PHF14: variants seen among roughly 807,000 people sequenced by gnomAD.
PHF14 encodes the protein PHD finger protein 14.
In PHF14, 55 loss-of-function variants were observed where a neutral mutation model predicts 117.9. The ratio of observed to expected loss-of-function variants is 0.47; its 90% CI spans 0.38 to 0.58. The LOEUF (loss-of-function observed/expected upper bound fraction) is 0.58. PHF14 is among the 20% of genes least tolerant of loss of function. The probability of loss-of-function intolerance (pLI) is 0.00; values close to 1 mark genes in which losing one functional copy is unlikely to be tolerated. For synonymous variants in PHF14, 409 were observed against 368.6 expected, an observed-to-expected ratio of 1.11 and a Z score of -1.26; for missense variants, 978 against 1,122.2, an observed-to-expected ratio of 0.87 and a Z score of 1.84.
At chr7:11,145,295 C>A (rs1036736050) in intron 17 of PHF14, among the ~76,000 whole-genome samples, 6 of 151,860 alleles carry the variant, frequency 4.0e-5, no homozygotes, top group African/African-American at 7.3e-5. Flanking sequence ...CTTTTTCTCT[C>A]TTTTTTAAAA....
At chr7:11,013,713 C>G (rs770712946) in intron 4 of PHF14, 34 bp from the exon 5 acceptor site, 20 of 1,236,404 alleles carry the variant, frequency 1.6e-5, no homozygotes, top group Non-Finnish European at 2.2e-5. Flanking sequence ...ACAAAATAAA[C>G]CCTATTTAAT....
chr7:11,064,732 C>T (rs1378154158), intron 16 of PHF14, among the ~76,000 whole-genome samples: 2 of 151,952 alleles, frequency 1.3e-5, no homozygotes, highest in Non-Finnish European at 2.9e-5. Flanking sequence ...TGCAATTTGT[C>T]AGTACATTGT....
Position 10,982,439 on chromosome 7 carries a change from T to A in PHF14, c.180T>A (p.Asp60Glu), listed in dbSNP as rs775494598. 4 of 1,594,598 alleles carry A rather than the reference T, an allele frequency of 2.5e-6. No individual in the cohort carries two copies. Among genetic ancestry groups the A allele is most frequent in the Non-Finnish European group, 3.4e-6 (4 of 1,168,690 alleles). ...ACAGTGGAGAAGGTTCCTGTAGTGA[T>A]TCTGAAGAAAATATTTTAGAAGAAG... is the stretch of plus-strand genomic sequence containing the variant. ...SKDSGEGSCS[D>E]SEENILEEEL... Residue 60 changes from aspartate to glutamate, a missense_variant, in exon 3 of 18, where the codon GAT becomes GAA. Asp to Glu is a conservative substitution (Grantham distance 45). Around this residue, in one of 7 missense-constraint regions of PHF14, gnomAD observed 414 missense variants for 376.4 expected, o/e 1.10. Coordinates refer to ENST00000634607, the MANE Select transcript of PHF14 (RefSeq NM_001007157.2).
chr7:11,145,652 G>A lies in PHF14; in HGVS notation c.2773-23764G>A, dbSNP rs111376221. On this transcript the variant is annotated intron_variant, in intron 17 of 17. Transcript: ENST00000634607. ...AAAAATTATATTAATATACTTCATC[G>A]AACTATTTAAAGAACTACTTTTCTG... Among the ~76,000 whole-genome samples, 966 of 151,834 alleles carry A rather than the reference G, an allele frequency of 6.4e-3. 11 individuals are homozygous for A. The highest frequency in any genetic ancestry group is 0.022 in the African/African-American group (925 of 41,444).
chr7:10,998,125 G>C (rs1358574680), intron 4 of PHF14, among the ~76,000 whole-genome samples: 6 of 152,140 alleles, frequency 3.9e-5, no homozygotes, highest in Non-Finnish European at 8.8e-5. Context: ...AAGGTTTTGA[G>C]TGCAAGATTA....
At chr7:11,133,611 G>C (rs1233916850) in intron 17 of PHF14, among the ~76,000 whole-genome samples, 1 of 151,918 alleles carries the variant, frequency 6.6e-6, no homozygotes, top group Non-Finnish European at 1.5e-5. Context: ...GACAGGAAAA[G>C]CTAATCTCCA....
intron 16 of PHF14, among the ~76,000 whole-genome samples, chr7:11,072,124 C>G (rs879512798): frequency 1.3e-5 from 2 of 152,090 alleles, no homozygotes; most frequent in Non-Finnish European, 2.9e-5. Flanking sequence ...GCTCTGCAGG[C>G]TGTAAGGGAA....
intron 16 of PHF14, chr7:11,106,295 T>C (rs1442408023): frequency 7.2e-6 from 7 of 974,074 alleles, no homozygotes; most frequent in African/African-American, 3.5e-5. Context: ...ATTTTTGTCT[T>C]TCTTACTACC....
intron 3 of PHF14, among the ~76,000 whole-genome samples, chr7:10,986,266 G>A (rs1653189832): frequency 6.6e-6 from 1 of 151,434 alleles, no homozygotes. Flanking sequence ...TTACAGGTGT[G>A]AGCCACCACA....
chr7:11,022,446 C>T (rs1783768470), intron 5 of PHF14, among the ~76,000 whole-genome samples: 1 of 152,092 alleles, frequency 6.6e-6, no homozygotes, highest in African/African-American at 2.4e-5. Flanking sequence ...AGAGTAAATT[C>T]ACAGTTATTA....
At chr7:11,018,760 T>C (rs1783618759) in intron 5 of PHF14, among the ~76,000 whole-genome samples, 1 of 152,190 alleles carries the variant, frequency 6.6e-6, no homozygotes, top group Non-Finnish European at 1.5e-5. Context: ...TGCCGGAAGC[T>C]AGGGCTTCCA....
chr7:10,998,200 GA>G (rs1363484474), intron 4 of PHF14, among the ~76,000 whole-genome samples: 1 of 152,022 alleles, frequency 6.6e-6, no homozygotes, highest in African/African-American at 2.4e-5. Context: ...AGTAATTAGG[GA>G]AAAAAGGATA....
intron 16 of PHF14, among the ~76,000 whole-genome samples, chr7:11,095,763 T>C (rs948725482): frequency 3.3e-5 from 5 of 152,142 alleles, no homozygotes; most frequent in Admixed American, 6.5e-5. Context: ...AAAATGATAA[T>C]CCCTGCATGA....
At chr7:11,064,690 T>A (rs1785364583) in intron 16 of PHF14, among the ~76,000 whole-genome samples, 1 of 152,086 alleles carries the variant, frequency 6.6e-6, no homozygotes, top group African/African-American at 2.4e-5. Context: ...TGAATTTATA[T>A]GTATAATTTT....
intron 16 of PHF14, among the ~76,000 whole-genome samples, chr7:11,081,585 G>C (rs1786103445): frequency 6.6e-6 from 1 of 152,176 alleles, no homozygotes; most frequent in African/African-American, 2.4e-5. Flanking sequence ...GATTTATCGT[G>C]GTGACCCACA....
Position 11,028,718 on chromosome 7 carries a change from C to G in PHF14, c.1355C>G (p.Thr452Ser). ...SFCEDPRFAR[T>S]GVCISCDAGM... Reference sequence around the variant, plus strand: ...TGTGAAGACCCTCGCTTTGCTAGAACTGGGGTTTGCATTAGCTGTGATGCA... The same window carrying G: ...TGTGAAGACCCTCGCTTTGCTAGAAGTGGGGTTTGCATTAGCTGTGATGCA... The change falls in exon 7 of 18, where the codon ACT (threonine) becomes AGT (serine). Residue 452 changes from threonine to serine, a missense_variant. By Grantham distance (58) the Thr-to-Ser change is moderately conservative (BLOSUM62 1). Around this residue, in one of 7 missense-constraint regions of PHF14, gnomAD observed 21 missense variants for 16.5 expected, o/e 1.27. Coordinates refer to ENST00000634607, the MANE Select transcript of PHF14 (RefSeq NM_001007157.2). The G allele has an allele frequency of 6.2e-7, 1 of 1,613,644 alleles. No individual in the cohort carries two copies. The highest frequency in any genetic ancestry group is 8.5e-7 in the Non-Finnish European group (1 of 1,179,716).
intron 3 of PHF14, among the ~76,000 whole-genome samples, chr7:10,986,375 A>G (rs1782227529): frequency 1.3e-5 from 2 of 152,190 alleles, no homozygotes; most frequent in African/African-American, 4.8e-5. Context: ...AAAACTGAGG[A>G]AGCACACAAG....
chr7:11,013,668 C>T, intron 4 of PHF14, 79 bp from the exon 5 acceptor site: 2 of 696,328 alleles, frequency 2.9e-6, no homozygotes, highest in East Asian at 2.8e-5. Flanking sequence ...CATCTCTTTG[C>T]TATTCTTTTT....
chr7:11,010,969 A>G (rs995593861), intron 4 of PHF14, among the ~76,000 whole-genome samples: 3 of 152,160 alleles, frequency 2.0e-5, no homozygotes, highest in Non-Finnish European at 4.4e-5. Flanking sequence ...TTCAGATTTT[A>G]TTAAAATTCA....
Sources: gnomAD v4.1 joint callset for allele counts (sites outside exome capture counted in the v4.1 genomes callset) on GRCh38, gnomAD v4.1.1 for gene constraint, gnomAD v4.1.1 regional missense constraint, MANE v1.5 for transcripts, NCBI Gene and HGNC (gene_info 2026-07-23, HGNC 2026-07-21) for gene names.